Variants in MUC12 observed in about 807,000 individuals in gnomAD.
MUC12 encodes mucin-12.
Under a neutral mutation model 230.8 loss-of-function variants are expected in MUC12, and 172 were observed. The observed-to-expected ratio is 0.75, with a 90% CI of 0.66 to 0.85. The LOEUF (loss-of-function observed/expected upper bound fraction) is 0.85, where lower values mean the gene tolerates loss of function less well. MUC12 is among the 40% of genes least tolerant of loss of function. MUC12 has a pLI of 0.00. For synonymous variants in MUC12, 1,259 were observed against 2,401.9 expected, an observed-to-expected ratio of 0.52 and a Z score of 13.91; for missense variants, 3,506 against 5,920.6, an observed-to-expected ratio of 0.59 and a Z score of 13.38.
At chr7:100,988,694 G>A (rs1793232361) in intron 1 of MUC12, among the ~76,000 whole-genome samples, 1 of 152,074 alleles carries the variant, frequency 6.6e-6, no homozygotes. Context: ...GAGGTCAAAG[G>A]GGTCTCTCAG....
Position 100,992,712 on chromosome 7 carries a change from T to A in MUC12, c.2149T>A (p.Ser717Thr). The A allele has an allele frequency of 1.3e-6, 2 of 1,535,460 alleles. No homozygotes were observed. Among genetic ancestry groups the A allele is most frequent in the South Asian group, 1.2e-5 (1 of 84,012 alleles). Residue 717 changes from serine (S) to threonine (T), a missense_variant, in exon 2 of 12, where the codon TCC becomes ACC. Coordinates refer to ENST00000536621, the MANE Select transcript of MUC12 (RefSeq NM_001164462.2). ...TSGRGEESTT[S>T]HSSTTHTISS... The stretch of plus-strand genomic sequence containing the variant: ...AGGCCGTGGTGAAGAATCAACAACT[T>A]CCCACAGCAGCACAACACACACAAT...
intron 1 of MUC12, among the ~76,000 whole-genome samples, chr7:100,988,126 T>G (rs1563088129): frequency 1.3e-5 from 2 of 151,304 alleles, no homozygotes. Context: ...ATGGTGAAAC[T>G]GTCTCTACTA....
chr7:101,008,874 A>G, intron 4 of MUC12, 113 bp downstream of exon 4: 1 of 1,380,564 alleles, frequency 7.2e-7, no homozygotes, highest in South Asian at 1.5e-5. Flanking sequence ...CCCCCTCCCT[A>G]CCAGTCTCCC....
chr7:100,987,248 G>C (rs985335488), intron 1 of MUC12, among the ~76,000 whole-genome samples: 7 of 151,966 alleles, frequency 4.6e-5, no homozygotes, highest in Admixed American at 1.3e-4. Context: ...TGTATTTTTA[G>C]TAGGGATGGG....
Position 100,991,503 on chromosome 7 carries a change from A to C in MUC12, c.940A>C (p.Thr314Pro). ...TCACAGCAGCCCGAGCTCAACTCCA[A>C]CAACCCACTTTTCTGCCAGCTCCAC... ...TYHSSPSSTP[T>P]THFSASSTTL... Residue 314 changes from threonine to proline, a missense_variant, in exon 2 of 12, where the codon ACA becomes CCA. Physicochemically the swap from Thr to Pro is conservative, Grantham distance 38 (BLOSUM62 -1). Coordinates refer to ENST00000536621, the MANE Select transcript of MUC12 (RefSeq NM_001164462.2). 6.5e-7 allele frequency: 1 copy of C among 1,537,222 alleles called. No homozygotes were observed. Among genetic ancestry groups the C allele is most frequent in the South Asian group, 1.2e-5 (1 of 84,036 alleles).
intron 3 of MUC12, among the ~76,000 whole-genome samples, chr7:101,006,777 T>A (rs1393742183): frequency 6.6e-6 from 1 of 152,114 alleles, no homozygotes; most frequent in Non-Finnish European, 1.5e-5. Context: ...GGTGGTCGAT[T>A]TTTTTTAATT....
At chr7:100,974,104 G>T (rs1466658664) in intron 1 of MUC12, among the ~76,000 whole-genome samples, 1 of 152,156 alleles carries the variant, frequency 6.6e-6, no homozygotes, top group Non-Finnish European at 1.5e-5. Flanking sequence ...AGCTGTGATT[G>T]CACCATTACG....
At chr7:101,007,834 G>T in intron 3 of MUC12, among the ~76,000 whole-genome samples, 1 of 152,066 alleles carries the variant, frequency 6.6e-6, no homozygotes, top group Non-Finnish European at 1.5e-5. Flanking sequence ...GTCTTGCTCT[G>T]TTGCCCAGGC....
At chr7:101,012,072 T>TGAGAGATAA (rs1793845963) in intron 5 of MUC12, among the ~76,000 whole-genome samples, 1 of 152,192 alleles carries the variant, frequency 6.6e-6, no homozygotes, top group African/African-American at 2.4e-5. Context: ...AGAGATGAAT[T>TGAGAGATAA]TCACTCATTG....
In MUC12 at chr7:100,991,916, C is replaced by A. The variant is rs769161862; in HGVS notation, c.1353C>A (p.Val451=). The A allele has an allele frequency of 3.9e-6, 6 of 1,537,204 alleles. No homozygotes were observed. Among genetic ancestry groups the A allele is most frequent in the African/African-American group, 1.4e-5 (1 of 72,712 alleles). The change falls in exon 2 of 12, where the codon GTC becomes GTA. Residue 451 remains valine, a synonymous_variant. Coordinates refer to ENST00000536621, the MANE Select transcript of MUC12 (RefSeq NM_001164462.2). ...GCCCAGATGCAATGGCAACAACAGTCTTACCTGCCGGCTCTACACCCTCAG... is the reference window on the plus strand; with the variant it reads ...GCCCAGATGCAATGGCAACAACAGTATTACCTGCCGGCTCTACACCCTCAG... ...HSSPDAMATT[V]LPAGSTPSVL... is the part of the protein sequence containing the mutation.
At position 101,014,032 on chromosome 7, in the gene MUC12, T is replaced by A. The variant is rs1226028673; in HGVS notation, c.15758T>A (p.Ile5253Asn). 2 of 1,536,600 alleles carry A rather than the reference T, an allele frequency of 1.3e-6. No individual in the cohort carries two copies. Among genetic ancestry groups the A allele is most frequent in the Admixed American group, 2.0e-5 (1 of 50,910 alleles). Reference sequence around the variant, plus strand: ...GCGGTGCTGCTGCTCGCATTGATCATCCTAATCATCTTATTCAGCCTATCC... The same window carrying A: ...GCGGTGCTGCTGCTCGCATTGATCAACCTAATCATCTTATTCAGCCTATCC... ...VMAVLLLALI[I>N]LIILFSLSQR... The change falls in exon 9 of 12, where the codon ATC (isoleucine) becomes AAC (asparagine). Residue 5253 changes from isoleucine (I) to asparagine (N), a missense_variant. By Grantham distance (149) the Ile-to-Asn change is moderately radical (BLOSUM62 -3). Coordinates refer to ENST00000536621, the MANE Select transcript of MUC12 (RefSeq NM_001164462.2).
chr7:101,003,228 G>C lies in MUC12; in HGVS notation c.12665G>C (p.Arg4222Pro). Residue 4222 changes from arginine to proline, a missense_variant, in exon 2 of 12, where the codon CGA becomes CCA. Arg to Pro is a moderately radical substitution (Grantham distance 103). Coordinates refer to ENST00000536621, the MANE Select transcript of MUC12 (RefSeq NM_001164462.2). The stretch of plus-strand genomic sequence containing the variant: ...GAAGAATCCACCACCTCCCACAGCC[G>C]ACCAGGCTCAATGCACACAACAGCA... The part of the protein sequence containing the change: ...VSEESTTSHS[R>P]PGSMHTTAFP... The C allele has an allele frequency of 6.9e-7, 1 of 1,443,592 alleles. No individual in the cohort carries two copies. Among genetic ancestry groups the C allele is most frequent in the Non-Finnish European group, 9.1e-7 (1 of 1,099,742 alleles). The allele number at this position is 1,443,592 out of a possible 1,614,324, so 89.4% of individuals were successfully genotyped here. A position where few individuals can be genotyped will look rare whatever the true frequency, so the allele number is the denominator to read the frequency against.
In MUC12 at chr7:100,992,866, C is replaced by T. The variant is rs34196598; in HGVS notation, c.2303C>T (p.Thr768Ile). The change falls in exon 2 of 12, where the codon ACA (threonine) becomes ATA (isoleucine). Residue 768 changes from threonine (T) to isoleucine (I), a missense_variant. By Grantham distance (89) the Thr-to-Ile change is moderately conservative. Transcript: ENST00000536621. ...STTSGRSEES[T>I]ASHSSQDATG... Reference sequence around the variant, plus strand: ...ACCTCAGGCCGTAGTGAGGAATCAACAGCATCGCACAGCAGCCAAGACGCA... The same window carrying T: ...ACCTCAGGCCGTAGTGAGGAATCAATAGCATCGCACAGCAGCCAAGACGCA... 194,458 of 1,513,108 alleles carry T rather than the reference C, an allele frequency of 0.13. 14,889 individuals carry two copies. Among genetic ancestry groups the T allele is most frequent in the African/African-American group, 0.2 (14,280 of 72,214 alleles). 93.7% of individuals were successfully genotyped at this position (1,513,108 alleles called of 1,614,324 possible).
At chr7:100,981,499 C>A in intron 1 of MUC12, 1 of 486,938 alleles carries the variant, frequency 2.1e-6, no homozygotes, top group Non-Finnish European at 3.7e-6. Context: ...AGAGAAGGAG[C>A]GTCAGGAGGT....
intron 10 of MUC12, among the ~76,000 whole-genome samples, chr7:101,016,115 G>A (rs974813083): frequency 6.6e-6 from 1 of 152,100 alleles, no homozygotes; most frequent in Non-Finnish European, 1.5e-5. Flanking sequence ...CCAGTAAGCA[G>A]GGAGGCCTTA....
intron 1 of MUC12, among the ~76,000 whole-genome samples, chr7:100,975,678 CACCTG>C (rs1279589479): frequency 3.4e-5 from 2 of 59,448 alleles, no homozygotes; most frequent in Non-Finnish European, 7.6e-5. Context: ...GGGGCCCTTC[CACCTG>C]GGCTGATGAG....
chr7:101,017,478 C>T, intron 10 of MUC12, 97 bp from the exon 11 acceptor site: 1 of 767,276 alleles, frequency 1.3e-6, no homozygotes, highest in Non-Finnish European at 2.1e-6. Flanking sequence ...AGGGCAGATG[C>T]CGGGCTGACT....
intron 1 of MUC12, 122 bp downstream of exon 1, chr7:100,969,811 C>T: frequency 1.4e-6 from 2 of 1,408,686 alleles, no homozygotes; most frequent in South Asian, 1.3e-5. Flanking sequence ...GGGGCTGCCA[C>T]AGGGCTGGAG....
chr7:101,016,175 A>G (rs138085503), intron 10 of MUC12, among the ~76,000 whole-genome samples: 1 of 152,170 alleles, frequency 6.6e-6, no homozygotes, highest in Non-Finnish European at 1.5e-5. Context: ...GCACTGCATG[A>G]GAAACGCCTG....
Sources: gnomAD v4.1 joint callset for allele counts (sites outside exome capture counted in the v4.1 genomes callset) on GRCh38, gnomAD v4.1.1 for gene constraint, MANE v1.5 for transcripts, NCBI Gene and HGNC (gene_info 2026-07-23, HGNC 2026-07-21) for gene names.